Variants in CCNB3 observed in about 807,000 individuals in gnomAD.
CCNB3 encodes cyclin B3, also known as G2/mitotic-specific cyclin-B3.
A neutral mutation model predicts 68.0 loss-of-function variants in CCNB3; 12 were observed. The observed-to-expected ratio is 0.18, with a 90% CI of 0.11 to 0.29. The LOEUF is 0.29. Among genes scored for constraint, CCNB3 ranks in the 10% least tolerant of loss-of-function variants. The pLI is 1.00. For synonymous variants in CCNB3, 354 were observed against 388.9 expected (o/e 0.91, Z 1.06); for missense variants, 904 against 993.1 (o/e 0.91, Z 1.21).
intron 1 of CCNB3, among the ~76,000 whole-genome samples, chrX:50,216,470 A>G (rs1271241907): frequency 1.1e-4 from 12 of 109,632 alleles, no homozygotes; most frequent in Non-Finnish European, 1.9e-4. Flanking sequence ...GGGTTTCACC[A>G]TGTTAGCCAG....
At chrX:50,296,387 T>C (rs1434672425) in intron 5 of CCNB3, among the ~76,000 whole-genome samples, 2 of 69,156 alleles carry the variant, frequency 2.9e-5, no homozygotes, top group African/African-American at 5.6e-5. Context: ...TGTTTGGTTT[T>C]TTGTCCTTGC....
chrX:50,306,685 G>C (rs1416691904), intron 5 of CCNB3, among the ~76,000 whole-genome samples: 2 of 111,715 alleles, frequency 1.8e-5, no homozygotes, highest in Non-Finnish European at 3.8e-5. Context: ...ATGAAAGAGG[G>C]TTAGATTTAG....
intron 1 of CCNB3, among the ~76,000 whole-genome samples, chrX:50,220,576 A>T (rs1333183658): frequency 1.8e-5 from 2 of 111,628 alleles, no homozygotes; most frequent in East Asian, 5.6e-4. Flanking sequence ...ACGTTTATTG[A>T]TTTGCGTATG....
At chrX:50,297,923 C>T (rs1557211513) in intron 5 of CCNB3, among the ~76,000 whole-genome samples, 1 of 111,577 alleles carries the variant, frequency 9.0e-6, no homozygotes, top group East Asian at 2.8e-4. Flanking sequence ...CATGATTTGG[C>T]TCTCTGTTTG....
intron 4 of CCNB3, 70 bp downstream of exon 4, chrX:50,288,957 C>A: frequency 2.9e-6 from 2 of 696,929 alleles, no homozygotes; most frequent in Non-Finnish European, 4.3e-6. Context: ...CTTGAGGGAC[C>A]TTTCCACTTT....
chrX:50,344,468 G>A (rs1014287050), intron 9 of CCNB3, among the ~76,000 whole-genome samples: 4 of 112,480 alleles, frequency 3.6e-5, no homozygotes, highest in Middle Eastern at 4.6e-3. Flanking sequence ...GCTGGTGTTG[G>A]TTGGCAATGG....
chrX:50,226,490 A>T (rs1484839803), intron 1 of CCNB3, among the ~76,000 whole-genome samples: 1 of 52,968 alleles, frequency 1.9e-5, no homozygotes, highest in African/African-American at 7.4e-5. Context: ...TATATATAGA[A>T]TATATAAAAA....
At chrX:50,350,506 T>C (rs1923619243) in intron 11 of CCNB3, among the ~76,000 whole-genome samples, 1 of 111,670 alleles carries the variant, frequency 9.0e-6, no homozygotes, top group Non-Finnish European at 1.9e-5. Context: ...TGTGGAATGA[T>C]AGCTGTTAGA....
chrX:50,309,390 C>T lies in CCNB3; in HGVS notation c.1221C>T (p.Thr407=). 4 of 1,211,606 alleles carry T rather than the reference C, an allele frequency of 3.3e-6. No homozygotes were observed. Among genetic ancestry groups the T allele is most frequent in the East Asian group, 3.0e-5 (1 of 33,824 alleles). Residue 407 remains threonine (T), a synonymous_variant, in exon 6 of 13, where the codon ACC becomes ACT. Coordinates refer to ENST00000376042, the MANE Select transcript of CCNB3 (RefSeq NM_033031.3). ...RLKPLVLQEI[T]SGEKSLIMKP... ...AGCCATTAGTATTGCAGGAGATCAC[C>T]TCTGGAGAGAAGTCGCTCATTATGA...
chrX:50,226,892 GTA>G (rs1412026104), intron 1 of CCNB3, among the ~76,000 whole-genome samples: 3 of 49,423 alleles, frequency 6.1e-5, no homozygotes, highest in African/African-American at 9.3e-5. Context: ...AGAATATATA[GTA>G]TATATATAGA....
At chrX:50,228,051 A>T (rs1162274127) in intron 1 of CCNB3, among the ~76,000 whole-genome samples, 1 of 87,815 alleles carries the variant, frequency 1.1e-5, no homozygotes, top group African/African-American at 4.3e-5. Flanking sequence ...ATATATATAT[A>T]AATATATGGA....
At chrX:50,210,277 C>T (rs1935462264) in intron 1 of CCNB3, among the ~76,000 whole-genome samples, 1 of 111,422 alleles carries the variant, frequency 9.0e-6, no homozygotes, top group African/African-American at 3.3e-5. Flanking sequence ...AAAGGGCTGT[C>T]TTCTCTTTTC....
intron 8 of CCNB3, among the ~76,000 whole-genome samples, chrX:50,314,937 G>A (rs1921644317): frequency 1.5e-5 from 1 of 68,340 alleles, no homozygotes; most frequent in Non-Finnish European, 2.7e-5. Flanking sequence ...CTAGGAGTAG[G>A]GATAGGAAAT....
chrX:50,214,612 GTA>G (rs1935538251), intron 1 of CCNB3, among the ~76,000 whole-genome samples: 1 of 93,580 alleles, frequency 1.1e-5, no homozygotes, highest in Non-Finnish European at 2.1e-5. Flanking sequence ...TTATTAAATA[GTA>G]TATAATATTG....
At chrX:50,224,150 G>GT (rs1209390174) in intron 1 of CCNB3, among the ~76,000 whole-genome samples, 3 of 110,440 alleles carry the variant, frequency 2.7e-5, no homozygotes, top group South Asian at 3.8e-4. Flanking sequence ...TGTTTTGAAA[G>GT]TTTTTTTTCC....
chrX:50,311,569 T>G (rs1188329229), intron 6 of CCNB3, 73 bp downstream of exon 6: 2 of 809,459 alleles, frequency 2.5e-6, no homozygotes, highest in African/African-American at 4.9e-5. Context: ...CTAGCAAAGT[T>G]GTTTTTTTTT....
At chrX:50,296,039 G>C (rs782436550) in intron 5 of CCNB3, among the ~76,000 whole-genome samples, 29 of 111,631 alleles carry the variant, frequency 2.6e-4, no homozygotes, top group African/African-American at 9.1e-4. Flanking sequence ...TCTGGAGTTT[G>C]CATGCATATT....
intron 11 of CCNB3, among the ~76,000 whole-genome samples, chrX:50,348,268 C>A (rs185105465): frequency 8.9e-6 from 1 of 112,143 alleles, no homozygotes; most frequent in Non-Finnish European, 1.9e-5. Context: ...GAAGAAGGCT[C>A]TCAAAGCCTC....
intron 4 of CCNB3, among the ~76,000 whole-genome samples, chrX:50,292,719 A>G (rs1304822805): frequency 3.6e-5 from 4 of 111,328 alleles, no homozygotes; most frequent in Non-Finnish European, 7.5e-5. Context: ...ACTGTTCATT[A>G]TTGTACTTTA....
Sources: gnomAD v4.1 joint callset for allele counts (sites outside exome capture counted in the v4.1 genomes callset) on GRCh38, gnomAD v4.1.1 for gene constraint, MANE v1.5 for transcripts, NCBI Gene and HGNC (gene_info 2026-07-23, HGNC 2026-07-21) for gene names.